The following BOC variants were observed in gnomAD, a reference collection of about 807,000 sequenced individuals.
The protein encoded by BOC is brother of CDO.
Under a neutral mutation model 112.0 loss-of-function variants are expected in BOC, and 76 were observed. The observed-to-expected ratio is 0.68, with a 90% CI of 0.56 to 0.82. BOC has a LOEUF of 0.82. BOC is among the 40% of genes least tolerant of loss of function. The pLI is 0.00. For missense variants in BOC, 1,309 were observed against 1,511.7 expected, an observed-to-expected ratio of 0.87 and a Z score of 2.22; for synonymous variants, 580 against 599.8, an observed-to-expected ratio of 0.97 and a Z score of 0.48.
rs756662787 is a variant in BOC, at chr3:113,283,455, C to T, written c.2479C>T (p.Leu827=). 2 of 1,613,266 alleles carry T rather than the reference C, an allele frequency of 1.2e-6. No individual in the cohort carries two copies. Among genetic ancestry groups the T allele is most frequent in the Non-Finnish European group, 1.7e-6 (2 of 1,179,268 alleles). The change falls in exon 16 of 20, where the codon CTG becomes TTG. Residue 827 remains leucine (L), a synonymous_variant. Transcript: ENST00000682979. ...GCCTGGTCGACTGCCACCCCCAACT[C>T]TGGCCCCACCACAGCCGCCCCTTCC... ...GQPGRLPPPT[L]APPQPPLPET...
chr3:113,284,245 C>A, intron 16 of BOC, 90 bp from the exon 17 acceptor site: 2 of 1,100,232 alleles, frequency 1.8e-6, no homozygotes, highest in Non-Finnish European at 2.8e-6. Context: ...CCCTCTGTGG[C>A]CAGGAGCCTC....
intron 2 of BOC, among the ~76,000 whole-genome samples, chr3:113,232,562 AGTGTGT>A (rs10696107): frequency 0.14 from 20,691 of 149,386 alleles, 2,373 homozygotes; most frequent in African/African-American, 0.32. Context: ...TTGCTGTGCG[AGTGTGT>A]GTGTGTGTGT....
Position 113,281,124 on chromosome 3 carries a change from T to C in BOC, c.2405T>C (p.Phe802Ser), listed in dbSNP as rs1166434223. 1 of 1,614,096 alleles carries C rather than the reference T, an allele frequency of 6.2e-7. No individual in the cohort carries two copies. The highest frequency in any genetic ancestry group is 8.5e-7 in the Non-Finnish European group (1 of 1,180,020). Residue 802 changes from phenylalanine (F) to serine (S), a missense_variant, in exon 15 of 20, where the codon TTC (phenylalanine) becomes TCC (serine). By Grantham distance (155) the Phe-to-Ser change is radical. Transcript: ENST00000682979. Reference protein sequence around the residue: ...QCFNEGGESEFSNVMICETKA... With the variant: ...QCFNEGGESESSNVMICETKA... ...TTCAATGAAGGAGGGGAGAGCGAGT[T>C]CAGCAACGTGATGATCTGTGAGACC...
chr3:113,274,811 C>A lies in BOC; in HGVS notation c.1542+129C>A. The A allele has an allele frequency of 1.0e-6, 1 of 960,564 alleles. No individual in the cohort carries two copies. Among genetic ancestry groups the A allele is most frequent in the African/African-American group, 1.7e-5 (1 of 60,376 alleles). 59.5% of individuals were successfully genotyped at this position (960,564 alleles called of 1,614,324 possible). A position where few individuals can be genotyped will look rare whatever the true frequency, so the allele number is the denominator to read the frequency against. Reference sequence around the variant, plus strand: ...TGAGCCGGTAATCCCCACCACTAAACAGGCCCTTCTGTCTCCTCCAGTGTC... The same window carrying A: ...TGAGCCGGTAATCCCCACCACTAAAAAGGCCCTTCTGTCTCCTCCAGTGTC... On this transcript the variant is annotated intron_variant, in intron 9 of 19. Transcript: ENST00000682979. The surrounding 1 kb of genome is among the most constrained non-coding windows in gnomAD (Gnocchi z 4.8).
intron 15 of BOC, among the ~76,000 whole-genome samples, chr3:113,282,155 G>A (rs1949257070): frequency 6.6e-6 from 1 of 152,210 alleles, no homozygotes; most frequent in Non-Finnish European, 1.5e-5. Flanking sequence ...AGGCCACTGA[G>A]GATGGTGTGA....
intron 4 of BOC, among the ~76,000 whole-genome samples, chr3:113,255,669 A>G (rs1946151542): frequency 1.3e-5 from 2 of 152,062 alleles, no homozygotes; most frequent in Non-Finnish European, 2.9e-5. Flanking sequence ...ACCGCTCCTT[A>G]AGGCCTCCTA....
At chr3:113,285,912 G>T (rs66518523) in intron 19 of BOC, among the ~76,000 whole-genome samples, 23,199 of 152,194 alleles carry the variant, frequency 0.15, 1,841 homozygotes, top group Middle Eastern at 0.18. Flanking sequence ...CACACTAAGA[G>T]GCATTCTCTA....
At chr3:113,246,031 C>T (rs1944884381) in intron 2 of BOC, among the ~76,000 whole-genome samples, 1 of 152,204 alleles carries the variant, frequency 6.6e-6, no homozygotes, top group Non-Finnish European at 1.5e-5. Flanking sequence ...TTGTAATTTT[C>T]TCAAAAAATA....
chr3:113,260,754 G>A (rs1040384016), intron 4 of BOC, among the ~76,000 whole-genome samples: 1 of 68,618 alleles, frequency 1.5e-5, no homozygotes, highest in Non-Finnish European at 2.6e-5. Flanking sequence ...AACAGAACAG[G>A]TTTTCACCAT....
rs1948841230 is a variant in BOC at position 113,278,165 on chromosome 3, C to G, written c.1613C>G (p.Thr538Ser). 6.2e-7 allele frequency: 1 copy of G among 1,614,140 alleles called. No homozygotes were observed. Among genetic ancestry groups the G allele is most frequent in the South Asian group, 1.1e-5 (1 of 91,094 alleles). Residue 538 changes from threonine (T) to serine (S), a missense_variant, in exon 10 of 20, where the codon ACC becomes AGC. Thr to Ser is a moderately conservative substitution (Grantham distance 58). Transcript: ENST00000682979. The surrounding 1 kb of genome is among the most constrained non-coding windows in gnomAD (Gnocchi z 4.2). ...IPANQHRLTLTRLDPGSLYEV... is the reference protein window; with the variant it reads ...IPANQHRLTLSRLDPGSLYEV... ...GCCAACCAGCACCGCCTGACCCTCACCAGACTTGACCCCGGGAGCTTGTAT... is the reference window on the plus strand; with the variant it reads ...GCCAACCAGCACCGCCTGACCCTCAGCAGACTTGACCCCGGGAGCTTGTAT...
At chr3:113,230,210 T>C (rs1942382505) in intron 2 of BOC, among the ~76,000 whole-genome samples, 1 of 152,144 alleles carries the variant, frequency 6.6e-6, no homozygotes, top group African/African-American at 2.4e-5. Flanking sequence ...TGGGCTGTAT[T>C]TCAATACTCA....
chr3:113,242,297 A>C (rs369836954), intron 2 of BOC, among the ~76,000 whole-genome samples: 1 of 151,090 alleles, frequency 6.6e-6, no homozygotes, highest in Admixed American at 6.6e-5. Context: ...TAGCAATAAA[A>C]CCCCCCACAC....
intron 16 of BOC, among the ~76,000 whole-genome samples, chr3:113,283,950 G>A (rs1044759153): frequency 2.6e-5 from 4 of 152,014 alleles, no homozygotes; most frequent in South Asian, 2.1e-4. Flanking sequence ...CCTCTTCCCT[G>A]GGTGCGGAGC....
intron 2 of BOC, among the ~76,000 whole-genome samples, chr3:113,248,283 G>C (rs1235159809): frequency 6.6e-6 from 1 of 152,190 alleles, no homozygotes; most frequent in African/African-American, 2.4e-5. Context: ...CAGGCAAGTC[G>C]GGTGTCTCCT....
chr3:113,284,642 C>T, intron 17 of BOC, 75 bp downstream of exon 17: 2 of 1,528,866 alleles, frequency 1.3e-6, no homozygotes, highest in Non-Finnish European at 1.8e-6. Flanking sequence ...TGGGGGGCCT[C>T]CTCCCTCCTA....
chr3:113,253,826 C>T (rs1309763377), intron 4 of BOC, among the ~76,000 whole-genome samples: 10 of 152,130 alleles, frequency 6.6e-5, no homozygotes, highest in East Asian at 1.9e-4. Context: ...AAATGAGATG[C>T]GCCTTTTAGC....
At chr3:113,220,606 T>C (rs746741573) in intron 2 of BOC, among the ~76,000 whole-genome samples, 2 of 152,182 alleles carry the variant, frequency 1.3e-5, no homozygotes, top group African/African-American at 2.4e-5. Flanking sequence ...TGAGAAATTG[T>C]AGGGAACTGG....
chr3:113,276,260 GCCATGC>G (rs1948660128), intron 9 of BOC, among the ~76,000 whole-genome samples: 1 of 152,240 alleles, frequency 6.6e-6, no homozygotes, highest in African/African-American at 2.4e-5. Flanking sequence ...ATTGGCAAAG[GCCATGC>G]CGTGGTGATC....
intron 15 of BOC, among the ~76,000 whole-genome samples, chr3:113,281,910 C>T (rs1949236487): frequency 2.0e-5 from 3 of 152,210 alleles, no homozygotes; most frequent in Admixed American, 2.0e-4. Flanking sequence ...TTCCATCATG[C>T]ACACCAGAGG....
Sources: allele counts gnomAD v4.1 joint callset (sites outside exome capture counted in the v4.1 genomes callset), GRCh38; gene constraint gnomAD v4.1.1; non-coding constraint Gnocchi (gnomAD v3.1); transcripts MANE v1.5; gene names NCBI Gene and HGNC (gene_info 2026-07-23, HGNC 2026-07-21).